Variants in PLCB4 observed in about 807,000 individuals in gnomAD.
PLCB4 encodes phospholipase C beta 4.
PLCB4 carries 77 observed loss-of-function variants against 178.8 expected under a neutral mutation model. That is an observed-to-expected ratio of 0.43 (90% CI 0.36 to 0.52). PLCB4 has a LOEUF of 0.52. Among genes scored for constraint, PLCB4 ranks in the 20% least tolerant of loss-of-function variants. PLCB4 has a pLI of 0.00. For synonymous variants in PLCB4, 496 were observed against 490.8 expected (o/e 1.01, Z -0.14); for missense variants, 1,024 against 1,453.4 (o/e 0.70, Z 4.80).
At chr20:9,172,441 T>G (rs1286824410) in intron 2 of PLCB4, among the ~76,000 whole-genome samples, 1 of 152,210 alleles carries the variant, frequency 6.6e-6, no homozygotes, top group Non-Finnish European at 1.5e-5. Flanking sequence ...CCTGTCCATC[T>G]CTCCCTTTCC....
chr20:9,071,071 C>T (rs2089548721), intron 1 of PLCB4, among the ~76,000 whole-genome samples: 1 of 152,084 alleles, frequency 6.6e-6, no homozygotes, highest in Non-Finnish European at 1.5e-5. Context: ...GCTTACATGT[C>T]CTGGAATCGT....
At chr20:9,306,400 G>A (rs1055298020) in intron 3 of PLCB4, among the ~76,000 whole-genome samples, 1 of 152,036 alleles carries the variant, frequency 6.6e-6, no homozygotes, top group Non-Finnish European at 1.5e-5. Flanking sequence ...ACAGGCGTGA[G>A]CCACTGAGCC....
rs145642586 is a variant in PLCB4, at chr20:9,152,596, C to T, written c.-79+56254C>T. Among the ~76,000 whole-genome samples the T allele has an allele frequency of 2.5e-4, 38 of 152,290 alleles. 1 individual carries two copies. Among genetic ancestry groups the T allele is most frequent in the South Asian group, 2.1e-3 (10 of 4,824 alleles). ...CTTCACCTAGATTTCAGAAGATGTA[C>T]GGAAATGCCTGTATGCCCAGGCAAA... is the stretch of plus-strand genomic sequence containing the variant. On this transcript the variant is annotated intron_variant, in intron 2 of 39. Transcript: ENST00000378473.
At chr20:9,350,535 A>T (rs557565128) in intron 7 of PLCB4, among the ~76,000 whole-genome samples, 1 of 152,166 alleles carries the variant, frequency 6.6e-6, no homozygotes, top group East Asian at 1.9e-4. Context: ...CTGTGCTGCA[A>T]TTCACAGTTG....
At chr20:9,157,112 T>G (rs924494475) in intron 2 of PLCB4, among the ~76,000 whole-genome samples, 1 of 151,706 alleles carries the variant, frequency 6.6e-6, no homozygotes, top group African/African-American at 2.4e-5. Flanking sequence ...AATGTTAATA[T>G]GAAGTAACTT....
At chr20:9,075,649 G>C (rs955418942) in intron 1 of PLCB4, among the ~76,000 whole-genome samples, 3 of 152,220 alleles carry the variant, frequency 2.0e-5, no homozygotes. Flanking sequence ...GGTGAGGCTT[G>C]CGCCCATCCA....
At chr20:9,393,141 C>T (rs904610892) in intron 17 of PLCB4, among the ~76,000 whole-genome samples, 3 of 152,152 alleles carry the variant, frequency 2.0e-5, no homozygotes, top group African/African-American at 7.2e-5. Flanking sequence ...AGGGTTGGGT[C>T]AGCCTACTCA....
chr20:9,412,078 A>G (rs1292128130), intron 25 of PLCB4, among the ~76,000 whole-genome samples: 1 of 152,250 alleles, frequency 6.6e-6, no homozygotes, highest in African/African-American at 2.4e-5. Context: ...ATCACCCACC[A>G]CTTACATACC....
chr20:9,169,305 C>T (rs1439322265), intron 2 of PLCB4, among the ~76,000 whole-genome samples: 1 of 151,766 alleles, frequency 6.6e-6, no homozygotes, highest in East Asian at 1.9e-4. Flanking sequence ...GTCTTGAGTT[C>T]TCAATGTAAA....
chr20:9,251,645 A>G (rs1407244240), intron 3 of PLCB4, among the ~76,000 whole-genome samples: 3 of 152,026 alleles, frequency 2.0e-5, no homozygotes, highest in South Asian at 2.1e-4. Context: ...CCCTTTTTTT[A>G]CTAACTTCTT....
At position 9,459,364 on chromosome 20, in the gene PLCB4, A is replaced by C. The variant is rs536197042; in HGVS notation, c.3073-271A>C. Among the ~76,000 whole-genome samples, 10 of 152,170 alleles carry C rather than the reference A, an allele frequency of 6.6e-5. No individual in the cohort carries two copies. The East Asian group carries it at 9.7e-4, about 15-fold the overall frequency. On this transcript the variant is annotated intron_variant, in intron 34 of 39. Coordinates refer to ENST00000378473, the MANE Select transcript of PLCB4 (RefSeq NM_001377142.1). ...ATCTAAAAAAACAAAACAAACAAAC[A>C]AAAAACAAAACAGAGTGTTGCTAAG...
intron 2 of PLCB4, among the ~76,000 whole-genome samples, chr20:9,202,079 A>G (rs2093553908): frequency 6.6e-6 from 1 of 152,252 alleles, no homozygotes; most frequent in Non-Finnish European, 1.5e-5. Flanking sequence ...TGATGCATGC[A>G]CCAACACAGA....
intron 21 of PLCB4, among the ~76,000 whole-genome samples, chr20:9,406,036 G>C (rs1399015479): frequency 1.3e-4 from 20 of 152,186 alleles, no homozygotes; most frequent in Admixed American, 1.3e-3. Context: ...TCGCAGGCCT[G>C]TCCCAAAATA....
At chr20:9,410,488 A>T (rs921060446) in intron 24 of PLCB4, among the ~76,000 whole-genome samples, 7 of 152,202 alleles carry the variant, frequency 4.6e-5, no homozygotes, top group African/African-American at 1.4e-4. Flanking sequence ...TCTTTTGCGG[A>T]TGGGAAGAAA....
intron 9 of PLCB4, among the ~76,000 whole-genome samples, chr20:9,366,798 ACT>A (rs2035822997): frequency 6.6e-6 from 1 of 152,096 alleles, no homozygotes; most frequent in Non-Finnish European, 1.5e-5. Flanking sequence ...CCAGATGCCA[ACT>A]CTCTCTTCCA....
rs562779571 is a variant in PLCB4 at position 9,402,889 on chromosome 20, G to T, written c.1611+1299G>T. Reference sequence around the variant, plus strand: ...AATGGGATGACTATTTGAGATGCCTGTGAAGTATTCAAGGGGAGGTGTTCA... The same window carrying T: ...AATGGGATGACTATTTGAGATGCCTTTGAAGTATTCAAGGGGAGGTGTTCA... On this transcript the variant is annotated intron_variant, in intron 20 of 39. Transcript: ENST00000378473. 8.5e-5 allele frequency among the ~76,000 whole-genome samples: 13 copies of T among 152,328 alleles called. No homozygotes were observed. The South Asian group carries it at 2.5e-3, about 29-fold the overall frequency.
At chr20:9,131,238 A>G (rs1367484186) in intron 2 of PLCB4, among the ~76,000 whole-genome samples, 1 of 151,946 alleles carries the variant, frequency 6.6e-6, no homozygotes, top group Non-Finnish European at 1.5e-5. Context: ...TGATCGATCA[A>G]TCTCTCTTCC....
At chr20:9,343,136 G>A (rs560228978) in intron 7 of PLCB4, among the ~76,000 whole-genome samples, 4 of 152,160 alleles carry the variant, frequency 2.6e-5, no homozygotes, top group African/African-American at 4.8e-5. Flanking sequence ...CAAGTGAAAT[G>A]TAAGTTAAGT....
chr20:9,076,688 C>G (rs780891502), intron 1 of PLCB4, among the ~76,000 whole-genome samples: 95 of 152,116 alleles, frequency 6.2e-4, no homozygotes, highest in Non-Finnish European at 7.9e-4. Flanking sequence ...CGCTTAACAG[C>G]CCTCATTTTC....
Sources: allele counts gnomAD v4.1 joint callset (sites outside exome capture counted in the v4.1 genomes callset), GRCh38; gene constraint gnomAD v4.1.1; transcripts MANE v1.5; gene names NCBI Gene and HGNC (gene_info 2026-07-23, HGNC 2026-07-21).